FRK: variants seen among roughly 807,000 people sequenced by gnomAD.
FRK encodes fyn related Src family tyrosine kinase.
FRK carries 51 observed loss-of-function variants against 56.4 expected under a neutral mutation model. The observed-to-expected ratio is 0.90, with a 90% CI of 0.72 to 1.14. The LOEUF (loss-of-function observed/expected upper bound fraction) is 1.14, where lower values mean the gene tolerates loss of function less well. FRK is among the 50% of genes most tolerant of loss of function. The pLI is 0.00. For synonymous variants in FRK, 245 were observed against 217.9 expected, an observed-to-expected ratio of 1.12 and a Z score of -1.10; for missense variants, 570 against 601.4, an observed-to-expected ratio of 0.95 and a Z score of 0.55.
At position 116,014,538 on chromosome 6, in the gene FRK, A is replaced by C. The variant is rs537085242; in HGVS notation, c.345-10540T>G. On this transcript the variant is annotated intron_variant, in intron 1 of 7. Transcript: ENST00000606080. The stretch of plus-strand genomic sequence containing the variant: ...AAGGTATTTGTGAGCAGATTGGTTT[A>C]ATGAACAGCAGTGGTCAGGGAAAAA... Among the ~76,000 whole-genome samples the C allele has an allele frequency of 1.3e-4, 20 of 152,184 alleles. No homozygotes were observed. The South Asian group carries it at 3.9e-3, about 30-fold the overall frequency.
At chr6:115,995,399 C>A (rs1260051796) in intron 2 of FRK, among the ~76,000 whole-genome samples, 1 of 152,114 alleles carries the variant, frequency 6.6e-6, no homozygotes, top group Non-Finnish European at 1.5e-5. Flanking sequence ...GACTTATCAA[C>A]TTCCTACTTA....
At position 115,933,117 on chromosome 6, in the gene FRK, T is replaced by C. The variant is rs1249284974; in HGVS notation, c.*9297A>G. On this transcript the variant is annotated 3_prime_UTR_variant, in exon 8 of 8. Transcript: ENST00000606080. ...CCCTTATTTCCTTCCTTACCCTCTT[T>C]TTAAAAAAAAAGAAAAAGAAAAACT... 1.3e-5 allele frequency: 2 copies of C among 152,092 alleles called. No homozygotes were observed. Among genetic ancestry groups the C allele is most frequent in the Non-Finnish European group, 2.9e-5 (2 of 68,012 alleles). The allele number at this position is 152,092 out of a possible 1,614,324, so 9.4% of individuals were successfully genotyped here.
chr6:116,092,155 A>G, the FRK span, among the ~76,000 whole-genome samples: 2 of 152,136 alleles, frequency 1.3e-5, no homozygotes, highest in African/African-American at 4.8e-5. Context: ...TGGGCTTACC[A>G]ATCAGAGGCA....
intron 5 of FRK, among the ~76,000 whole-genome samples, chr6:115,947,130 G>A (rs1031182210): frequency 6.6e-6 from 1 of 152,072 alleles, no homozygotes; most frequent in Non-Finnish European, 1.5e-5. Flanking sequence ...TATTCAGGGG[G>A]TTTCTAGGGT....
At chr6:116,007,024 T>C (rs181174842) in intron 1 of FRK, among the ~76,000 whole-genome samples, 1 of 152,306 alleles carries the variant, frequency 6.6e-6, no homozygotes, top group East Asian at 1.9e-4. Flanking sequence ...AAGCATTCTT[T>C]TAACTCTATT....
chr6:115,992,679 G>A (rs1486904471), intron 2 of FRK, among the ~76,000 whole-genome samples: 1 of 151,778 alleles, frequency 6.6e-6, no homozygotes, highest in Non-Finnish European at 1.5e-5. Flanking sequence ...AAAGTAAAGA[G>A]AAAGGTTTAG....
intron 2 of FRK, among the ~76,000 whole-genome samples, chr6:115,999,117 A>G (rs927668290): frequency 6.6e-6 from 1 of 152,242 alleles, no homozygotes; most frequent in Non-Finnish European, 1.5e-5. Flanking sequence ...AATTAATATT[A>G]ATGGTAATAA....
At chr6:115,959,154 C>A (rs953840680) in intron 4 of FRK, among the ~76,000 whole-genome samples, 2 of 152,208 alleles carry the variant, frequency 1.3e-5, no homozygotes, top group African/African-American at 2.4e-5. Context: ...ATTTCAGGCT[C>A]ATCTTTATTG....
chr6:115,991,426 T>C (rs937828986), intron 2 of FRK, among the ~76,000 whole-genome samples: 2 of 151,878 alleles, frequency 1.3e-5, no homozygotes, highest in African/African-American at 2.4e-5. Flanking sequence ...AAGGCTCTTA[T>C]TATTTTGAGT....
intron 1 of FRK, among the ~76,000 whole-genome samples, chr6:116,044,128 G>A (rs1455262552): frequency 6.6e-6 from 1 of 152,136 alleles, no homozygotes; most frequent in Non-Finnish European, 1.5e-5. Context: ...AGGACCAGAC[G>A]GATTCACAGC....
the FRK span, among the ~76,000 whole-genome samples, chr6:116,094,797 G>C: frequency 6.6e-6 from 1 of 152,034 alleles, no homozygotes; most frequent in East Asian, 1.9e-4. Flanking sequence ...AAGAGACAGA[G>C]ACAAAGAGGG....
the FRK span, among the ~76,000 whole-genome samples, chr6:116,085,713 G>GGT: frequency 9.3e-3 from 1,393 of 149,224 alleles, 18 homozygotes; most frequent in African/African-American, 0.031. Context: ...TGTGTGTGTG[G>GGT]GTGTGTGTGT....
At chr6:116,007,025 T>G (rs568233228) in intron 1 of FRK, among the ~76,000 whole-genome samples, 1 of 152,326 alleles carries the variant, frequency 6.6e-6, no homozygotes, top group Admixed American at 6.5e-5. Flanking sequence ...AGCATTCTTT[T>G]AACTCTATTT....
In FRK at chr6:116,000,223, C is replaced by CTTTTTTTTTTTTTTT. The variant is rs561273499; in HGVS notation, c.466+3639_466+3653dup. Among the ~76,000 whole-genome samples the CTTTTTTTTTTTTTTT allele has an allele frequency of 1.5e-4, 8 of 53,108 alleles. 2 individuals are homozygous for CTTTTTTTTTTTTTTT. Among genetic ancestry groups the CTTTTTTTTTTTTTTT allele is most frequent in the Admixed American group, 4.2e-4 (2 of 4,786 alleles). The allele number at this position is 53,108 out of a possible 152,430, so 34.8% of individuals were successfully genotyped here. On this transcript the variant is annotated intron_variant, in intron 2 of 7. Transcript: ENST00000606080. ...TTTCCTCATGAAAATATCATTCTTT[C>CTTTTTTTTTTTTTTT]TTTTTTTTTTTTTTTTTTTTTTTTT...
chr6:116,003,806 A>G, intron 2 of FRK, 71 bp downstream of exon 2: 1 of 1,544,274 alleles, frequency 6.5e-7, no homozygotes, highest in East Asian at 2.3e-5. Context: ...GATCGTGTCC[A>G]TGTTCACACA....
At chr6:116,095,156 C>G in the FRK span, among the ~76,000 whole-genome samples, 1 of 152,170 alleles carries the variant, frequency 6.6e-6, no homozygotes, top group African/African-American at 2.4e-5. Context: ...TAATTACCAT[C>G]CAAAGGTCCA....
In FRK at chr6:115,936,721, A is replaced by C. The variant is rs1772056043; in HGVS notation, c.*5693T>G. On this transcript the variant is annotated 3_prime_UTR_variant, in exon 8 of 8. Transcript: ENST00000606080. The stretch of plus-strand genomic sequence containing the variant: ...CCAAGTCGATAAAGCACAAGAAAGG[A>C]TATCAAAGATTGAAGATCAACTTAA... 1 of 152,250 alleles carries C rather than the reference A, an allele frequency of 6.6e-6. No individual in the cohort carries two copies. Among genetic ancestry groups the C allele is most frequent in the African/African-American group, 2.4e-5 (1 of 41,460 alleles). 9.4% of individuals were successfully genotyped at this position (152,250 alleles called of 1,614,324 possible).
rs1053625800 is a variant in FRK at position 115,959,068 on chromosome 6, G to A, written c.800-2458C>T. On this transcript the variant is annotated intron_variant, in intron 4 of 7. Transcript: ENST00000606080. The stretch of plus-strand genomic sequence containing the variant: ...ATAGCTCCCCAGCTGCAGAGTAAAG[G>A]AAACCCAATCTCAACTCAGCTAGTA... 3.3e-5 allele frequency among the ~76,000 whole-genome samples: 5 copies of A among 152,122 alleles called. No homozygotes were observed. The East Asian group carries it at 7.7e-4, about 23-fold the overall frequency.
chr6:116,009,058 A>T (rs546543354), intron 1 of FRK, among the ~76,000 whole-genome samples: 3 of 152,298 alleles, frequency 2.0e-5, no homozygotes, highest in Admixed American at 2.0e-4. Context: ...CAGCAAAAGG[A>T]AAGTGACTAA....
Sources: allele counts gnomAD v4.1 joint callset (sites outside exome capture counted in the v4.1 genomes callset), GRCh38; gene constraint gnomAD v4.1.1; transcripts MANE v1.5; gene names NCBI Gene and HGNC (gene_info 2026-07-23, HGNC 2026-07-21).